Variants in STPG2 observed in about 807,000 individuals in gnomAD.
The protein encoded by STPG2 is sperm tail PG-rich repeat containing 2.
In STPG2, 56 loss-of-function variants were observed where a neutral mutation model predicts 54.2. That is an observed-to-expected ratio of 1.03 (90% CI 0.83 to 1.29). STPG2 has a LOEUF of 1.29. Ranked by LOEUF, STPG2 falls within the 50% of genes most tolerant of loss-of-function variation. The pLI is 0.00. For synonymous variants in STPG2, 200 were observed against 181.8 expected (o/e 1.10, Z -0.81); for missense variants, 596 against 544.9 (o/e 1.09, Z -0.93).
chr4:98,050,573 TGAG>T (rs1351309418), intron 5 of STPG2, among the ~76,000 whole-genome samples: 1 of 152,102 alleles, frequency 6.6e-6, no homozygotes, highest in East Asian at 1.9e-4. Context: ...TCACAGGAGT[TGAG>T]GAACATTGAA....
At chr4:97,845,908 A>C (rs538778893) in intron 8 of STPG2, among the ~76,000 whole-genome samples, 61 of 152,338 alleles carry the variant, frequency 4.0e-4, no homozygotes, top group South Asian at 8.3e-4. Context: ...GTATTGTCAC[A>C]GATTATTCTA....
chr4:97,642,603 T>C (rs1008736430), intron 10 of STPG2, among the ~76,000 whole-genome samples: 2 of 151,494 alleles, frequency 1.3e-5, no homozygotes, highest in African/African-American at 2.4e-5. Context: ...CAAAGCAGCA[T>C]ATAACTTGTT....
chr4:97,919,121 A>T (rs987235926), intron 8 of STPG2, among the ~76,000 whole-genome samples: 5 of 152,188 alleles, frequency 3.3e-5, no homozygotes, highest in African/African-American at 1.2e-4. Context: ...ATAGAAAAAC[A>T]AACATGAATT....
chr4:97,636,397 C>A (rs1459752549), intron 10 of STPG2, among the ~76,000 whole-genome samples: 3 of 139,082 alleles, frequency 2.2e-5, no homozygotes, highest in Non-Finnish European at 4.7e-5. Flanking sequence ...CAGGAAAGAT[C>A]CAAAATTGAC....
At chr4:97,961,397 G>A (rs1056491098) in intron 7 of STPG2, among the ~76,000 whole-genome samples, 3 of 152,064 alleles carry the variant, frequency 2.0e-5, no homozygotes, top group Non-Finnish European at 4.4e-5. Flanking sequence ...ATGGCAAAAG[G>A]AACAGTCAGC....
At chr4:98,062,680 T>C (rs897160444) in intron 5 of STPG2, among the ~76,000 whole-genome samples, 3 of 152,028 alleles carry the variant, frequency 2.0e-5, no homozygotes, top group African/African-American at 7.2e-5. Context: ...AATTATTAGA[T>C]TGGTGCAAAA....
chr4:97,915,156 G>A (rs1731825156), intron 8 of STPG2, among the ~76,000 whole-genome samples: 1 of 152,034 alleles, frequency 6.6e-6, no homozygotes, highest in Non-Finnish European at 1.5e-5. Context: ...TTACTGAGTA[G>A]TTACTAAGGG....
At chr4:97,702,343 C>T (rs1723804343) in intron 10 of STPG2, among the ~76,000 whole-genome samples, 1 of 152,148 alleles carries the variant, frequency 6.6e-6, no homozygotes, top group Admixed American at 6.6e-5. Flanking sequence ...ATCCCACATC[C>T]TTAATATCCA....
intron 9 of STPG2, among the ~76,000 whole-genome samples, chr4:97,734,833 G>A (rs1724921923): frequency 6.6e-6 from 1 of 152,074 alleles, no homozygotes. Context: ...AGCACTTTGG[G>A]GGGCCGAGGC....
chr4:97,943,741 T>A (rs1180385413), intron 8 of STPG2, among the ~76,000 whole-genome samples, 156 bp downstream of exon 8: 2 of 152,210 alleles, frequency 1.3e-5, no homozygotes, highest in Non-Finnish European at 2.9e-5. Flanking sequence ...TGAAGAATTT[T>A]GTTGAACTTT....
intron 5 of STPG2, among the ~76,000 whole-genome samples, chr4:98,095,793 C>T (rs1422755217): frequency 6.6e-6 from 1 of 152,182 alleles, no homozygotes; most frequent in African/African-American, 2.4e-5. Context: ...AAACATCAAA[C>T]TTAATCTGCA....
At chr4:97,956,260 T>C (rs1733669752) in intron 7 of STPG2, among the ~76,000 whole-genome samples, 7 of 152,196 alleles carry the variant, frequency 4.6e-5, no homozygotes, top group Admixed American at 4.6e-4. Context: ...GTAATTTTCA[T>C]GGCAAAAACT....
At chr4:97,884,460 A>G (rs1730490800) in intron 8 of STPG2, among the ~76,000 whole-genome samples, 1 of 152,334 alleles carries the variant, frequency 6.6e-6, no homozygotes, top group East Asian at 1.9e-4. Context: ...CAATTTACAG[A>G]AAAACCATGT....
intron 9 of STPG2, among the ~76,000 whole-genome samples, chr4:97,746,737 T>C (rs1210162177): frequency 6.6e-6 from 1 of 151,294 alleles, no homozygotes; most frequent in Non-Finnish European, 1.5e-5. Flanking sequence ...ATAACTTTTC[T>C]TTACCTAAAT....
chr4:97,947,089 C>T (rs1733257867), intron 7 of STPG2, among the ~76,000 whole-genome samples: 1 of 152,002 alleles, frequency 6.6e-6, no homozygotes, highest in African/African-American at 2.4e-5. Context: ...TTGTAGTTCT[C>T]CTTGTAGAGA....
intron 8 of STPG2, among the ~76,000 whole-genome samples, chr4:97,853,932 C>A (rs932706369): frequency 1.3e-5 from 2 of 152,152 alleles, no homozygotes; most frequent in African/African-American, 4.8e-5. Context: ...CAAGCACAGG[C>A]CACCATGCCT....
chr4:98,017,886 C>A (rs959166384), intron 5 of STPG2, among the ~76,000 whole-genome samples: 13 of 152,146 alleles, frequency 8.5e-5, no homozygotes, highest in African/African-American at 3.1e-4. Context: ...TTCTCTCTCT[C>A]TCTCTCCTGC....
At chr4:97,837,730 CA>C (rs1391097501) in intron 9 of STPG2, among the ~76,000 whole-genome samples, 1 of 151,126 alleles carries the variant, frequency 6.6e-6, no homozygotes, top group Non-Finnish European at 1.5e-5. Flanking sequence ...AAGTATATTC[CA>C]AAAAACTTTA....
intron 5 of STPG2, chr4:98,026,114 A>T: frequency 6.8e-7 from 1 of 1,459,876 alleles, no homozygotes. Context: ...TCATGCTGCT[A>T]TACGAGAGAA....
Sources: allele counts gnomAD v4.1 joint callset (sites outside exome capture counted in the v4.1 genomes callset), GRCh38; gene constraint gnomAD v4.1.1; transcripts MANE v1.5; gene names NCBI Gene and HGNC (gene_info 2026-07-23, HGNC 2026-07-21).